RPS6KA5: variants seen among roughly 807,000 people sequenced by gnomAD.
RPS6KA5 encodes ribosomal protein S6 kinase A5.
RPS6KA5 carries 27 observed loss-of-function variants against 85.5 expected under a neutral mutation model. The observed-to-expected ratio is 0.32, with a 90% CI of 0.23 to 0.44. The LOEUF is 0.44. Ranked by LOEUF, RPS6KA5 falls within the 20% of genes least tolerant of loss-of-function variation. RPS6KA5 has a pLI of 1.00. For missense variants in RPS6KA5, 811 were observed against 980.9 expected (o/e 0.83, Z 2.31); for synonymous variants, 334 against 348.2 (o/e 0.96, Z 0.46).
At chr14:91,023,082 TAAAAAA>T (rs368649949) in intron 1 of RPS6KA5, among the ~76,000 whole-genome samples, 3 of 96,460 alleles carry the variant, frequency 3.1e-5, no homozygotes, top group Non-Finnish European at 5.8e-5. Flanking sequence ...AAACTCTATC[TAAAAAA>T]AAAAAAAAAA....
At chr14:91,050,321 C>A (rs906856811) in intron 1 of RPS6KA5, among the ~76,000 whole-genome samples, 6 of 152,050 alleles carry the variant, frequency 3.9e-5, no homozygotes, top group Non-Finnish European at 2.9e-5. Flanking sequence ...TTTGAAGCTG[C>A]GGTGAACTAT....
At chr14:90,974,471 C>T (rs1351982261) in intron 3 of RPS6KA5, among the ~76,000 whole-genome samples, 1 of 152,212 alleles carries the variant, frequency 6.6e-6, no homozygotes, top group Non-Finnish European at 1.5e-5. Context: ...TTCCCCTCTT[C>T]AAGAGGTGAA....
At chr14:91,047,387 T>G (rs982336145) in intron 1 of RPS6KA5, among the ~76,000 whole-genome samples, 1 of 152,124 alleles carries the variant, frequency 6.6e-6, no homozygotes. Flanking sequence ...AGCACTCCTA[T>G]GAAAAACAGA....
At chr14:90,973,955 T>G (rs1488969412) in intron 3 of RPS6KA5, among the ~76,000 whole-genome samples, 1 of 139,558 alleles carries the variant, frequency 7.2e-6, no homozygotes, top group Non-Finnish European at 1.5e-5. Context: ...GGAGAATCAC[T>G]TGAACCCAGG....
chr14:90,994,851 C>A (rs2040452795), intron 2 of RPS6KA5, among the ~76,000 whole-genome samples: 1 of 151,868 alleles, frequency 6.6e-6, no homozygotes. Context: ...GGATTACAGG[C>A]GTGAGCCACC....
At chr14:90,966,553 T>C (rs1034273154) in intron 3 of RPS6KA5, among the ~76,000 whole-genome samples, 6 of 152,210 alleles carry the variant, frequency 3.9e-5, no homozygotes, top group African/African-American at 1.2e-4. Context: ...GAGAGTACAG[T>C]GTACCAACGG....
chr14:91,054,830 C>T (rs897921860), intron 1 of RPS6KA5, among the ~76,000 whole-genome samples: 1 of 151,658 alleles, frequency 6.6e-6, no homozygotes, highest in Non-Finnish European at 1.5e-5. Context: ...GACTTTTGTG[C>T]TCCTAAGGAA....
intron 1 of RPS6KA5, among the ~76,000 whole-genome samples, chr14:91,043,532 A>G (rs560985574): frequency 2.4e-4 from 36 of 152,326 alleles, no homozygotes; most frequent in African/African-American, 8.7e-4. Context: ...ACTAAGACTC[A>G]GTTTTCCTAT....
chr14:90,877,628 C>T (rs2033564717), intron 14 of RPS6KA5, among the ~76,000 whole-genome samples: 1 of 152,200 alleles, frequency 6.6e-6, no homozygotes, highest in South Asian at 2.1e-4. Flanking sequence ...CCCCATATTC[C>T]AATCCTGTGT....
chr14:91,032,470 T>C (rs947820783), intron 1 of RPS6KA5, among the ~76,000 whole-genome samples: 1 of 152,074 alleles, frequency 6.6e-6, no homozygotes, highest in Admixed American at 6.5e-5. Context: ...GATGAAACAG[T>C]TCCTCCCCAC....
rs1595084755 is a variant in RPS6KA5, at chr14:90,869,246, C to G, written c.*2828G>C. 1 of 152,126 alleles carries G rather than the reference C, an allele frequency of 6.6e-6. No homozygotes were observed. The highest frequency in any genetic ancestry group is 2.4e-5 in the African/African-American group (1 of 41,410). The allele number at this position is 152,126 out of a possible 1,614,324, so 9.4% of individuals were successfully genotyped here. ...CTCACTATGTTGCCCAGGTTGGTCT[C>G]TAACTCCTGGTTTCAAGTGATTCTC... On this transcript the variant is annotated 3_prime_UTR_variant, in exon 17 of 17. Coordinates refer to ENST00000614987, the MANE Select transcript of RPS6KA5 (RefSeq NM_004755.4).
chr14:90,951,147 G>C (rs1453074141), intron 3 of RPS6KA5, among the ~76,000 whole-genome samples: 1 of 144,652 alleles, frequency 6.9e-6, no homozygotes, highest in Non-Finnish European at 1.5e-5. Context: ...GAGAGAGAGA[G>C]AGAGATAATG....
chr14:90,986,707 C>A (rs1048704607), intron 2 of RPS6KA5, among the ~76,000 whole-genome samples: 2 of 152,148 alleles, frequency 1.3e-5, no homozygotes, highest in African/African-American at 4.8e-5. Context: ...CAGGGGCCAC[C>A]ACACCTGGAA....
intron 1 of RPS6KA5, among the ~76,000 whole-genome samples, chr14:91,019,432 T>C (rs1012146639): frequency 1.3e-5 from 2 of 152,210 alleles, no homozygotes; most frequent in Non-Finnish European, 2.9e-5. Flanking sequence ...AGACTTTATA[T>C]GCAACACTAG....
chr14:90,909,810 T>G (rs2035702169), intron 7 of RPS6KA5, among the ~76,000 whole-genome samples: 4 of 152,186 alleles, frequency 2.6e-5, no homozygotes, highest in Admixed American at 2.6e-4. Context: ...TATTATTTTT[T>G]GAGATGGATT....
At chr14:90,999,878 A>G (rs1206793295) in intron 2 of RPS6KA5, among the ~76,000 whole-genome samples, 1 of 152,210 alleles carries the variant, frequency 6.6e-6, no homozygotes, top group East Asian at 1.9e-4. Context: ...AAGGCAAAGG[A>G]AAGTTACAAA....
At chr14:90,899,457 T>C in intron 11 of RPS6KA5, 35 bp from the exon 12 acceptor site, 1 of 1,466,314 alleles carries the variant, frequency 6.8e-7, no homozygotes, top group Non-Finnish European at 9.5e-7. Flanking sequence ...CACATGTCTC[T>C]TCAAGAAAGT....
intron 1 of RPS6KA5, chr14:91,060,062 ACGGG>A: frequency 1.0e-6 from 1 of 985,406 alleles, no homozygotes; most frequent in Non-Finnish European, 1.2e-6. Context: ...GGTGCGTGCC[ACGGG>A]CAGCGGTCGG....
chr14:90,966,870 A>T (rs2039087284), intron 3 of RPS6KA5, among the ~76,000 whole-genome samples: 1 of 152,242 alleles, frequency 6.6e-6, no homozygotes, highest in African/African-American at 2.4e-5. Flanking sequence ...GAAGAGAGAA[A>T]GCAAAAGAGA....
Sources: gnomAD v4.1 joint callset for allele counts (sites outside exome capture counted in the v4.1 genomes callset) on GRCh38, gnomAD v4.1.1 for gene constraint, MANE v1.5 for transcripts, NCBI Gene and HGNC (gene_info 2026-07-23, HGNC 2026-07-21) for gene names.